CAMTA1: variants seen among roughly 807,000 people sequenced by gnomAD.
The protein encoded by CAMTA1 is calmodulin binding transcription activator 1.
CAMTA1 carries 27 observed loss-of-function variants against 170.9 expected under a neutral mutation model. That is an observed-to-expected ratio of 0.16 (90% confidence interval 0.12 to 0.22). The LOEUF is 0.22. Among genes scored for constraint, CAMTA1 ranks in the 10% least tolerant of loss-of-function variants. The pLI is 1.00. For synonymous variants in CAMTA1, 833 were observed against 891.5 expected, an observed-to-expected ratio of 0.93 and a Z score of 1.17; for missense variants, 1,619 against 2,217.2, an observed-to-expected ratio of 0.73 and a Z score of 5.42.
At chr1:7,697,804 G>A (rs889958424) in intron 11 of CAMTA1, among the ~76,000 whole-genome samples, 7 of 152,142 alleles carry the variant, frequency 4.6e-5, no homozygotes, top group Non-Finnish European at 1.0e-4. Flanking sequence ...CCAGGATGAC[G>A]CCAATCATGG....
Position 6,979,249 on chromosome 1 carries a change from C to T in CAMTA1, c.235-112055C>T, listed in dbSNP as rs565670392. ...GAAGTTTCCTGAACTCTCCCAGCTCCTGCACAGGGTCTCCGGCACAGGGGG... is the reference window on the plus strand; with the variant it reads ...GAAGTTTCCTGAACTCTCCCAGCTCTTGCACAGGGTCTCCGGCACAGGGGG... On this transcript the variant is annotated intron_variant, in intron 3 of 22. Coordinates refer to ENST00000303635, the MANE Select transcript of CAMTA1 (RefSeq NM_015215.4). 1.2e-4 allele frequency among the ~76,000 whole-genome samples: 19 copies of T among 152,312 alleles called. No individual in the cohort carries two copies. The South Asian group carries it at 3.9e-3, about 32-fold the overall frequency.
rs2086896205 is a variant in CAMTA1 at position 7,377,099 on chromosome 1, C to CCAA, written c.439-90728_439-90726dup. Among the ~76,000 whole-genome samples the CCAA allele has an allele frequency of 5.9e-5, 9 of 152,220 alleles. No individual in the cohort carries two copies. The South Asian group carries it at 1.9e-3, about 32-fold the overall frequency. ...CAAATCTAGTCTGTCCAACCCAGTCCCAACACATAGGGAGCACTCGCCTGA... is the reference window on the plus strand; with the variant it reads ...CAAATCTAGTCTGTCCAACCCAGTCCCAACAACACATAGGGAGCACTCGCCTGA... On this transcript the variant is annotated intron_variant, in intron 5 of 22. Coordinates refer to ENST00000303635, the MANE Select transcript of CAMTA1 (RefSeq NM_015215.4).
At chr1:7,131,281 G>A (rs1008613414) in intron 4 of CAMTA1, among the ~76,000 whole-genome samples, 2 of 152,096 alleles carry the variant, frequency 1.3e-5, no homozygotes, top group Admixed American at 6.6e-5. Flanking sequence ...AGCGTCATTT[G>A]AAGAGAAAAG....
At chr1:7,057,990 CA>C in intron 3 of CAMTA1, among the ~76,000 whole-genome samples, 1 of 152,286 alleles carries the variant, frequency 6.6e-6, no homozygotes, top group East Asian at 1.9e-4. Flanking sequence ...GGAGTAAGAG[CA>C]AATTTCTGTT....
At chr1:6,837,006 C>T (rs1324533518) in intron 3 of CAMTA1, among the ~76,000 whole-genome samples, 3 of 150,052 alleles carry the variant, frequency 2.0e-5, no homozygotes, top group Non-Finnish European at 4.4e-5. Flanking sequence ...GGCGCAATCT[C>T]GGCTCACTGC....
chr1:7,422,926 G>T (rs1236100200), intron 5 of CAMTA1, among the ~76,000 whole-genome samples: 3 of 152,254 alleles, frequency 2.0e-5, no homozygotes, highest in Non-Finnish European at 4.4e-5. Flanking sequence ...ATTTGAAACT[G>T]CAATGAACAC....
chr1:7,483,412 G>C (rs561181826), intron 6 of CAMTA1, among the ~76,000 whole-genome samples: 1 of 152,194 alleles, frequency 6.6e-6, no homozygotes, highest in Non-Finnish European at 1.5e-5. Flanking sequence ...AGCCTGGGCC[G>C]GAGGGAGACC....
At chr1:7,472,986 C>G (rs1385705110) in intron 6 of CAMTA1, among the ~76,000 whole-genome samples, 3 of 152,184 alleles carry the variant, frequency 2.0e-5, no homozygotes, top group Admixed American at 6.5e-5. Flanking sequence ...GAAGAAGATG[C>G]CTTCTCCATG....
At chr1:7,140,979 G>A (rs1006002682) in intron 4 of CAMTA1, among the ~76,000 whole-genome samples, 8 of 152,200 alleles carry the variant, frequency 5.3e-5, no homozygotes, top group Non-Finnish European at 8.8e-5. Context: ...TCTGTCTACC[G>A]ACAGAAGATG....
chr1:7,393,828 T>C (rs2088994085), intron 5 of CAMTA1, among the ~76,000 whole-genome samples: 1 of 152,218 alleles, frequency 6.6e-6, no homozygotes, highest in Non-Finnish European at 1.5e-5. Context: ...TGTATTTTTA[T>C]ACTCATTAAC....
In CAMTA1 at chr1:7,585,630, G is replaced by A. The variant is rs1039565566; in HGVS notation, c.511-54770G>A. On this transcript the variant is annotated intron_variant, in intron 6 of 22. Coordinates refer to ENST00000303635, the MANE Select transcript of CAMTA1 (RefSeq NM_015215.4). This position sits in a 1 kb window ranked among gnomAD's most constrained non-coding sequence, Gnocchi z 4.8. ...GATCACGCTGGCTACTGGTGCAGAG[G>A]GCAAGGGCAGGAGGCTGCAGGAGGA... Among the ~76,000 whole-genome samples the A allele has an allele frequency of 6.6e-6, 1 of 152,184 alleles. No individual in the cohort carries two copies. Among genetic ancestry groups the A allele is most frequent in the Non-Finnish European group, 1.5e-5 (1 of 68,034 alleles).
At chr1:7,523,321 C>A (rs2094390110) in intron 6 of CAMTA1, among the ~76,000 whole-genome samples, 2 of 152,188 alleles carry the variant, frequency 1.3e-5, no homozygotes, top group African/African-American at 4.8e-5. Flanking sequence ...ATATTGGTAT[C>A]TATTCTAAGC....
intron 3 of CAMTA1, among the ~76,000 whole-genome samples, chr1:7,002,878 A>G (rs1208151702): frequency 6.6e-6 from 1 of 152,216 alleles, no homozygotes; most frequent in African/African-American, 2.4e-5. Context: ...CCTGGAGGCC[A>G]CAGCTTCTCC....
At chr1:7,440,555 T>C (rs1445773244) in intron 5 of CAMTA1, among the ~76,000 whole-genome samples, 1 of 152,252 alleles carries the variant, frequency 6.6e-6, no homozygotes, top group African/African-American at 2.4e-5. Flanking sequence ...GTAGCAGCTA[T>C]CACAAACAGC....
At chr1:6,962,719 GC>G (rs1690693379) in intron 3 of CAMTA1, among the ~76,000 whole-genome samples, 1 of 133,698 alleles carries the variant, frequency 7.5e-6, no homozygotes, top group Admixed American at 8.0e-5. Context: ...TCCTGCCCCT[GC>G]CCCATGGCTG....
intron 4 of CAMTA1, among the ~76,000 whole-genome samples, chr1:7,139,009 A>G (rs987478821): frequency 6.9e-6 from 1 of 145,160 alleles, no homozygotes; most frequent in Non-Finnish European, 1.5e-5. Context: ...AAATATATAT[A>G]TATATATATA....
chr1:6,852,350 T>C (rs1381821132), intron 3 of CAMTA1, among the ~76,000 whole-genome samples: 1 of 152,188 alleles, frequency 6.6e-6, no homozygotes, highest in Non-Finnish European at 1.5e-5. Context: ...CAGTTCTCTG[T>C]GGACTCCGGG....
At position 7,410,633 on chromosome 1, in the gene CAMTA1, A is replaced by C. The variant is rs2090643569; in HGVS notation, c.439-57197A>C. Reference sequence around the variant, plus strand: ...TATGACCAGAGGCTACAGAATTCAGAATGTACTTATCTCAGCTCAGGTTGA... The same window carrying C: ...TATGACCAGAGGCTACAGAATTCAGCATGTACTTATCTCAGCTCAGGTTGA... On this transcript the variant is annotated intron_variant, in intron 5 of 22. Transcript: ENST00000303635. Among the ~76,000 whole-genome samples the C allele has an allele frequency of 2.6e-5, 4 of 152,220 alleles. No individual in the cohort carries two copies. In the South Asian group the frequency reaches 8.3e-4, roughly 32 times the overall value.
chr1:7,384,113 G>A (rs1334927251), intron 5 of CAMTA1, among the ~76,000 whole-genome samples: 2 of 152,246 alleles, frequency 1.3e-5, no homozygotes, highest in Non-Finnish European at 2.9e-5. Flanking sequence ...GGGGAAAGCT[G>A]TGGCTTCTCT....
Sources: gnomAD v4.1 joint callset for allele counts (sites outside exome capture counted in the v4.1 genomes callset) on GRCh38, gnomAD v4.1.1 for gene constraint, Gnocchi (gnomAD v3.1) non-coding constraint, MANE v1.5 for transcripts, NCBI Gene and HGNC (gene_info 2026-07-23, HGNC 2026-07-21) for gene names.